CDK15: variants seen among roughly 807,000 people sequenced by gnomAD.
CDK15 encodes cyclin dependent kinase 15.
CDK15 carries 62 observed loss-of-function variants against 60.3 expected under a neutral mutation model. That is an observed-to-expected ratio of 1.03 (90% CI 0.84 to 1.27). The LOEUF (loss-of-function observed/expected upper bound fraction) is 1.27. Among genes scored for constraint, CDK15 ranks in the 50% most tolerant of loss-of-function variants. The pLI is 0.00. For synonymous variants in CDK15, 194 were observed against 195.7 expected (o/e 0.99, Z 0.07); for missense variants, 541 against 527.8 (o/e 1.03, Z -0.25).
chr2:201,808,077 G>T lies in CDK15; in HGVS notation c.368+125G>T, dbSNP rs1574839953. ...CTCAGGACCTGTGCAAGACACCATG[G>T]CCGACAGGGAGAGAGACATGATAAC... On this transcript the variant is annotated intron_variant, in intron 3 of 13. Transcript: ENST00000652192. 14 of 680,120 alleles carry T rather than the reference G, an allele frequency of 2.1e-5. No individual in the cohort carries two copies. The East Asian group carries it at 3.9e-4, about 19-fold the overall frequency. 42.1% of individuals were successfully genotyped at this position (680,120 alleles called of 1,614,324 possible).
In CDK15 at chr2:201,857,118, CG is replaced by C. The variant is rs1285273345; in HGVS notation, c.1009+2184del. Among the ~76,000 whole-genome samples, 2 of 77,814 alleles carry C rather than the reference CG, an allele frequency of 2.6e-5. 1 individual carries two copies. Among genetic ancestry groups the C allele is most frequent in the African/African-American group, 2.0e-4 (2 of 9,762 alleles). The allele number at this position is 77,814 out of a possible 152,430, so 51.0% of individuals were successfully genotyped here. ...GCGGGCGCCTGTAGTCCCAGCTACT[CG>C]GGAGGCTGAGGCAGGAGAATGGCGT... On this transcript the variant is annotated intron_variant, in intron 10 of 13. Coordinates refer to ENST00000652192, the MANE Select transcript of CDK15 (RefSeq NM_001366386.2).
At position 201,812,645 on chromosome 2, in the gene CDK15, A is replaced by G; in HGVS notation, c.448+83A>G. 6 of 766,144 alleles carry G rather than the reference A, an allele frequency of 7.8e-6. No homozygotes were observed. The South Asian group carries it at 1.4e-4, about 18-fold the overall frequency. The allele number at this position is 766,144 out of a possible 1,614,324, so 47.5% of individuals were successfully genotyped here. A position where few individuals can be genotyped will look rare whatever the true frequency, so the allele number is the denominator to read the frequency against. On this transcript the variant is annotated intron_variant, in intron 4 of 13. Transcript: ENST00000652192. ...AATGTATTGCATTGATCCATTCAGC[A>G]TCTAGTTTTGATTCTTCTGGAATAC... is the stretch of plus-strand genomic sequence containing the variant.
intron 8 of CDK15, 41 bp downstream of exon 8, chr2:201,835,804 G>A (rs376220416): frequency 6.3e-6 from 9 of 1,417,794 alleles, no homozygotes; most frequent in Non-Finnish European, 7.5e-6. Flanking sequence ...TCCTACTCAC[G>A]AGGGTTGCTT....
intron 10 of CDK15, among the ~76,000 whole-genome samples, chr2:201,856,355 C>G (rs1411958590): frequency 6.6e-6 from 1 of 152,206 alleles, no homozygotes; most frequent in Admixed American, 6.5e-5. Context: ...AAGCTAAAGA[C>G]TAACTGTAAA....
intron 13 of CDK15, among the ~76,000 whole-genome samples, chr2:201,891,213 A>G (rs1483603008): frequency 2.0e-5 from 3 of 152,188 alleles, no homozygotes; most frequent in Non-Finnish European, 4.4e-5. Flanking sequence ...CAGCTGACAC[A>G]GGTGGGACGA....
At chr2:201,881,158 G>A (rs1699265545) in intron 12 of CDK15, among the ~76,000 whole-genome samples, 2 of 152,254 alleles carry the variant, frequency 1.3e-5, no homozygotes, top group South Asian at 4.1e-4. Flanking sequence ...AAACAGCCTG[G>A]TCCGCCTTGC....
At chr2:201,815,238 C>T (rs1410934326) in intron 4 of CDK15, among the ~76,000 whole-genome samples, 1 of 152,180 alleles carries the variant, frequency 6.6e-6, no homozygotes, top group Non-Finnish European at 1.5e-5. Flanking sequence ...ATACATGTGT[C>T]AGTGCTTTTC....
chr2:201,862,615 A>G (rs1698445298), intron 10 of CDK15, among the ~76,000 whole-genome samples: 1 of 152,194 alleles, frequency 6.6e-6, no homozygotes. Flanking sequence ...ATTTTACTTT[A>G]CTTTGATTCA....
At chr2:201,872,196 G>A in intron 10 of CDK15, 82 bp from the exon 11 acceptor site, 3 of 1,380,972 alleles carry the variant, frequency 2.2e-6, no homozygotes, top group Admixed American at 1.7e-5. Flanking sequence ...GCCAAGAAGA[G>A]CATTTAGAAT....
intron 12 of CDK15, among the ~76,000 whole-genome samples, chr2:201,884,729 C>T (rs1699398321): frequency 6.6e-6 from 1 of 152,074 alleles, no homozygotes; most frequent in Non-Finnish European, 1.5e-5. Context: ...TTTTGCTTAT[C>T]TCTGAGAATA....
At chr2:201,859,243 G>A (rs549140938) in intron 10 of CDK15, among the ~76,000 whole-genome samples, 11 of 152,312 alleles carry the variant, frequency 7.2e-5, no homozygotes, top group Non-Finnish European at 5.9e-5. Context: ...GACAGGAGTT[G>A]TGGCGCTGAA....
intron 1 of CDK15, 70 bp downstream of exon 1, chr2:201,806,857 T>A: frequency 1.3e-6 from 2 of 1,548,166 alleles, no homozygotes; most frequent in Non-Finnish European, 1.8e-6. Context: ...TCCCTTTTTG[T>A]AGCGGGATCT....
intron 12 of CDK15, chr2:201,888,727 T>C (rs1400218874): frequency 1.7e-6 from 2 of 1,194,208 alleles, no homozygotes; most frequent in East Asian, 3.9e-5. Flanking sequence ...TCTCTCTCTC[T>C]CCCTCCCTCC....
At chr2:201,873,427 T>C (rs1286295123) in intron 11 of CDK15, among the ~76,000 whole-genome samples, 1 of 152,206 alleles carries the variant, frequency 6.6e-6, no homozygotes, top group East Asian at 1.9e-4. Context: ...CCTAGAGATA[T>C]GTGGATTTTA....
chr2:201,848,533 A>G (rs1201194570), intron 9 of CDK15, among the ~76,000 whole-genome samples: 1 of 152,062 alleles, frequency 6.6e-6, no homozygotes, highest in Non-Finnish European at 1.5e-5. Flanking sequence ...GACCCACTGA[A>G]CAATAACTGC....
At chr2:201,840,730 GTTGCTGTCGAGGAGT>G in intron 8 of CDK15, among the ~76,000 whole-genome samples, 1 of 152,274 alleles carries the variant, frequency 6.6e-6, no homozygotes, top group South Asian at 2.1e-4. Context: ...GTCTTCCATT[GTTGCTGTCGAGGAGT>G]TTGCTTTTAG....
chr2:201,879,503 C>A lies in CDK15; in HGVS notation c.1059-525C>A, dbSNP rs547504681. On this transcript the variant is annotated intron_variant, in intron 11 of 13. Coordinates refer to ENST00000652192, the MANE Select transcript of CDK15 (RefSeq NM_001366386.2). ...CAAGTGATTGTCATGCCTCAGCCTC[C>A]TGAGTAGCTGGGATTACAGGTGCAT... Among the ~76,000 whole-genome samples the A allele has an allele frequency of 9.8e-4, 149 of 152,178 alleles. 1 individual carries two copies. The highest frequency in any genetic ancestry group is 1.6e-3 in the Non-Finnish European group (106 of 68,026).
In CDK15 at chr2:201,807,484, T is replaced by G; in HGVS notation, c.124-10T>G. ...ATAAATTTTATTTCTGCTCTTTCTT[T>G]TTTCTCTAGCTAACAGACCTAAAAG... On this transcript the variant is annotated splice_polypyrimidine_tract_variant and intron_variant, in intron 1 of 13. Transcript: ENST00000652192. The G allele has an allele frequency of 6.2e-7, 1 of 1,605,986 alleles. No homozygotes were observed. Among genetic ancestry groups the G allele is most frequent in the Non-Finnish European group, 8.5e-7 (1 of 1,176,966 alleles).
At chr2:201,807,422 A>C in intron 1 of CDK15, 72 bp from the exon 2 acceptor site, 2 of 1,486,758 alleles carry the variant, frequency 1.3e-6, no homozygotes, top group Non-Finnish European at 1.8e-6. Flanking sequence ...CAAATAAAGA[A>C]AAAATGGTTT....
Sources: allele counts gnomAD v4.1 joint callset (sites outside exome capture counted in the v4.1 genomes callset), GRCh38; gene constraint gnomAD v4.1.1; transcripts MANE v1.5; gene names NCBI Gene and HGNC (gene_info 2026-07-23, HGNC 2026-07-21).